FEN1: variants seen among roughly 807,000 people sequenced by gnomAD.
FEN1 encodes the protein flap structure-specific endonuclease 1, also known as flap endonuclease 1.
FEN1 carries 19 observed loss-of-function variants against 24.7 expected under a neutral mutation model. The ratio of observed to expected loss-of-function variants is 0.77; its 90% CI spans 0.54 to 1.13. The LOEUF (loss-of-function observed/expected upper bound fraction) is 1.13. FEN1 is among the 50% of genes most tolerant of loss of function. FEN1 has a pLI of 0.00. For missense variants in FEN1, 339 were observed against 488.7 expected, an observed-to-expected ratio of 0.69 and a Z score of 2.89; for synonymous variants, 155 against 189.2, an observed-to-expected ratio of 0.82 and a Z score of 1.48.
In FEN1 at chr11:61,795,778, T is replaced by C. The variant is rs765890483; in HGVS notation, c.417T>C (p.Asp139=). The C allele has an allele frequency of 2.5e-6, 4 of 1,613,908 alleles. No individual in the cohort carries two copies. The African/African-American group carries it at 4.0e-5, about 16-fold the overall frequency. Residue 139 remains aspartate (D), a synonymous_variant, in exon 2 of 2, where the codon GAT becomes GAC. Transcript: ENST00000305885. The surrounding 1 kb of genome is among the most constrained non-coding windows in gnomAD (Gnocchi z 4.1). ...TGAAGGTCACTAAGCAGCACAATGA[T>C]GAGTGCAAACATCTGCTGAGCCTCA... ...RLVKVTKQHN[D]ECKHLLSLMG...
Position 61,795,892 on chromosome 11 carries a change from C to G in FEN1, c.531C>G (p.Thr177=). The G allele has an allele frequency of 6.2e-7, 1 of 1,613,980 alleles. No individual in the cohort carries two copies. The highest frequency in any genetic ancestry group is 1.1e-5 in the South Asian group (1 of 91,084). Reference sequence around the variant, plus strand: ...CTGGCAAAGTCTATGCTGCGGCTACCGAGGACATGGACTGCCTCACCTTCG... The same window carrying G: ...CTGGCAAAGTCTATGCTGCGGCTACGGAGGACATGGACTGCCTCACCTTCG... The part of the protein sequence containing the change: ...VKAGKVYAAA[T]EDMDCLTFGS... Residue 177 remains threonine, a synonymous_variant, in exon 2 of 2, where the codon ACC becomes ACG. Transcript: ENST00000305885. The surrounding 1 kb of genome is among the most constrained non-coding windows in gnomAD (Gnocchi z 4.1).
Position 61,795,323 on chromosome 11 carries a change from C to G in FEN1, c.-21-18C>G. The G allele has an allele frequency of 6.5e-7, 1 of 1,549,852 alleles. No individual in the cohort carries two copies. Among genetic ancestry groups the G allele is most frequent in the Non-Finnish European group, 8.7e-7 (1 of 1,145,602 alleles). On this transcript the variant is annotated intron_variant, in intron 1 of 1. Coordinates refer to ENST00000305885, the MANE Select transcript of FEN1 (RefSeq NM_004111.6). This position sits in a 1 kb window ranked among gnomAD's most constrained non-coding sequence, Gnocchi z 4.1. Reference sequence around the variant, plus strand: ...CCTTTCTCCTTTCCTCCGTCTCTGACTTGCCTTTCTTTTTTAGTCATCCCT... The same window carrying G: ...CCTTTCTCCTTTCCTCCGTCTCTGAGTTGCCTTTCTTTTTTAGTCATCCCT...
At position 61,796,368 on chromosome 11, in the gene FEN1, C is replaced by A; in HGVS notation, c.1007C>A (p.Thr336Asn). 8 of 1,613,674 alleles carry A rather than the reference C, an allele frequency of 5.0e-6. No individual in the cohort carries two copies. Among genetic ancestry groups the A allele is most frequent in the Non-Finnish European group, 5.9e-6 (7 of 1,180,038 alleles). Residue 336 changes from threonine to asparagine, a missense_variant, in exon 2 of 2, where the codon ACC becomes AAC. This residue lies in a region of FEN1 where 53 missense variants were observed against 94.1 expected (regional missense o/e 0.56). Transcript: ENST00000305885. ...KRLSKSRQGS[T>N]QGRLDDFFKV... ...CTGAGTAAGAGCCGCCAAGGCAGCA[C>A]CCAGGGCCGCCTGGATGATTTCTTC...
In FEN1 at chr11:61,795,997, T is replaced by C; in HGVS notation, c.636T>C (p.Ile212=). 1 of 1,614,168 alleles carries C rather than the reference T, an allele frequency of 6.2e-7. No homozygotes were observed. ...TCCAGGAATTCCACCTGAGCCGGAT[T>C]CTGCAGGAGCTGGGCCTGAACCAGG... ...LPIQEFHLSR[I]LQELGLNQEQ... Residue 212 remains isoleucine, a synonymous_variant, in exon 2 of 2, where the codon ATT becomes ATC. Transcript: ENST00000305885. This position sits in a 1 kb window ranked among gnomAD's most constrained non-coding sequence, Gnocchi z 4.1.
Position 61,795,411 on chromosome 11 carries a change from C to T in FEN1, c.50C>T (p.Ala17Val). The stretch of plus-strand genomic sequence containing the variant: ...CTAATTGCTGATGTGGCCCCCAGTG[C>T]CATCCGGGAGAATGACATCAAGAGC... Reference protein sequence around the residue: ...AKLIADVAPSAIRENDIKSYF... With the variant: ...AKLIADVAPSVIRENDIKSYF... The change falls in exon 2 of 2, where the codon GCC (alanine) becomes GTC (valine). Residue 17 changes from alanine to valine, a missense_variant. Coordinates refer to ENST00000305885, the MANE Select transcript of FEN1 (RefSeq NM_004111.6). This position sits in a 1 kb window ranked among gnomAD's most constrained non-coding sequence, Gnocchi z 4.1. The T allele has an allele frequency of 6.2e-7, 1 of 1,613,116 alleles. No individual in the cohort carries two copies. Among genetic ancestry groups the T allele is most frequent in the Admixed American group, 1.7e-5 (1 of 59,960 alleles).
chr11:61,795,341 T>G lies in FEN1; in HGVS notation c.-21T>G. On this transcript the variant is annotated splice_region_variant and 5_prime_UTR_variant, in exon 2 of 2. Transcript: ENST00000305885. This position sits in a 1 kb window ranked among gnomAD's most constrained non-coding sequence, Gnocchi z 4.1. ...TCTCTGACTTGCCTTTCTTTTTTAG[T>G]CATCCCTCCTCTGTGTTGCCATGGG... is the stretch of plus-strand genomic sequence containing the variant. 1 of 1,561,844 alleles carries G rather than the reference T, an allele frequency of 6.4e-7. No individual in the cohort carries two copies. Among genetic ancestry groups the G allele is most frequent in the Non-Finnish European group, 8.7e-7 (1 of 1,151,282 alleles).
Position 61,795,845 on chromosome 11 carries a change from A to G in FEN1, c.484A>G (p.Ser162Gly). 6.2e-7 allele frequency: 1 copy of G among 1,614,062 alleles called. No homozygotes were observed. The highest frequency in any genetic ancestry group is 8.5e-7 in the Non-Finnish European group (1 of 1,180,036). ...YLDAPSEAEA[S>G]CAALVKAGKV... Reference sequence around the variant, plus strand: ...TGATGCACCCAGTGAGGCAGAGGCCAGCTGTGCTGCCCTGGTGAAGGCTGG... The same window carrying G: ...TGATGCACCCAGTGAGGCAGAGGCCGGCTGTGCTGCCCTGGTGAAGGCTGG... The change falls in exon 2 of 2, where the codon AGC becomes GGC. Residue 162 changes from serine to glycine, a missense_variant. Transcript: ENST00000305885. The surrounding 1 kb of genome is among the most constrained non-coding windows in gnomAD (Gnocchi z 4.1).
At chr11:61,794,049 C>CTCCT (rs1042918200) in intron 1 of FEN1, among the ~76,000 whole-genome samples, 2 of 152,218 alleles carry the variant, frequency 1.3e-5, no homozygotes, top group African/African-American at 2.4e-5. Context: ...TAGCCTGGAA[C>CTCCT]TCCTGGGCTC....
intron 1 of FEN1, among the ~76,000 whole-genome samples, chr11:61,794,894 AG>A (rs2066810901): frequency 6.6e-6 from 1 of 152,314 alleles, no homozygotes; most frequent in Non-Finnish European, 1.5e-5. Flanking sequence ...CTGCCTTATT[AG>A]TCAGGGTTCT....
chr11:61,796,670 A>G lies in FEN1; in HGVS notation c.*166A>G, dbSNP rs1190512028. 1.3e-6 allele frequency: 1 copy of G among 755,548 alleles called. No individual in the cohort carries two copies. The highest frequency in any genetic ancestry group is 1.8e-5 in the African/African-American group (1 of 56,404). 46.8% of individuals were successfully genotyped at this position (755,548 alleles called of 1,614,324 possible). On this transcript the variant is annotated 3_prime_UTR_variant, in exon 2 of 2. Transcript: ENST00000305885. ...CCCTTTTTTACTTGATCTTAATGGC[A>G]AGAAGGCCACAGAGGTACTTTTCCT... is the stretch of plus-strand genomic sequence containing the variant.
At chr11:61,793,698 G>T (rs1480548784) in intron 1 of FEN1, among the ~76,000 whole-genome samples, 1 of 152,208 alleles carries the variant, frequency 6.6e-6, no homozygotes, top group Non-Finnish European at 1.5e-5. Flanking sequence ...GGAAGGACGC[G>T]TGAGAGGATG....
chr11:61,795,890 A>G lies in FEN1; in HGVS notation c.529A>G (p.Thr177Ala), dbSNP rs1565315707. The change falls in exon 2 of 2, where the codon ACC becomes GCC. Residue 177 changes from threonine to alanine, a missense_variant. Thr to Ala is a moderately conservative substitution (Grantham distance 58). Around this residue, in one of 3 missense-constraint regions of FEN1, gnomAD observed 216 missense variants for 329.7 expected, o/e 0.66. Coordinates refer to ENST00000305885, the MANE Select transcript of FEN1 (RefSeq NM_004111.6). This position sits in a 1 kb window ranked among gnomAD's most constrained non-coding sequence, Gnocchi z 4.1. ...VKAGKVYAAATEDMDCLTFGS... is the reference protein window; with the variant it reads ...VKAGKVYAAAAEDMDCLTFGS... ...GGCTGGCAAAGTCTATGCTGCGGCT[A>G]CCGAGGACATGGACTGCCTCACCTT... The G allele has an allele frequency of 3.7e-6, 6 of 1,614,010 alleles. No individual in the cohort carries two copies. The highest frequency in any genetic ancestry group is 1.7e-4 in the Middle Eastern group (1 of 6,060).
Position 61,795,941 on chromosome 11 carries a change from C to T in FEN1, c.580C>T (p.Leu194=), listed in dbSNP as rs758331096. The T allele has an allele frequency of 6.2e-6, 10 of 1,614,128 alleles. No individual in the cohort carries two copies. Among genetic ancestry groups the T allele is most frequent in the Non-Finnish European group, 8.5e-6 (10 of 1,180,042 alleles). The part of the protein sequence containing the change: ...TFGSPVLMRH[L]TASEAKKLPI... ...CGGCAGCCCTGTGCTAATGCGACAC[C>T]TGACTGCCAGTGAAGCCAAAAAGCT... is the stretch of plus-strand genomic sequence containing the variant. Residue 194 remains leucine (L), a synonymous_variant, in exon 2 of 2, where the codon CTG becomes TTG. Transcript: ENST00000305885. This position sits in a 1 kb window ranked among gnomAD's most constrained non-coding sequence, Gnocchi z 4.1.
Position 61,796,101 on chromosome 11 carries a change from T to C in FEN1, c.740T>C (p.Val247Ala). 6.2e-7 allele frequency: 1 copy of C among 1,614,220 alleles called. No homozygotes were observed. Among genetic ancestry groups the C allele is most frequent in the Non-Finnish European group, 8.5e-7 (1 of 1,180,040 alleles). Residue 247 changes from valine to alanine, a missense_variant, in exon 2 of 2, where the codon GTG becomes GCG. This residue lies in a region of FEN1 where 216 missense variants were observed against 329.7 expected (regional missense o/e 0.66). Coordinates refer to ENST00000305885, the MANE Select transcript of FEN1 (RefSeq NM_004111.6). Reference sequence around the variant, plus strand: ...CGGGGTATTGGGCCCAAGCGGGCTGTGGACCTCATCCAGAAGCACAAGAGC... The same window carrying C: ...CGGGGTATTGGGCCCAAGCGGGCTGCGGACCTCATCCAGAAGCACAAGAGC... ...SIRGIGPKRA[V>A]DLIQKHKSIE...
At position 61,795,271 on chromosome 11, in the gene FEN1, A is replaced by G; in HGVS notation, c.-21-70A>G. The G allele has an allele frequency of 7.6e-7, 1 of 1,323,158 alleles. No individual in the cohort carries two copies. Among genetic ancestry groups the G allele is most frequent in the Non-Finnish European group, 1.0e-6 (1 of 967,808 alleles). 82.0% of individuals were successfully genotyped at this position (1,323,158 alleles called of 1,614,324 possible). A position where few individuals can be genotyped will look rare whatever the true frequency, so the allele number is the denominator to read the frequency against. ...TGTGTGGAATTTAGTTGAAGGCATG[A>G]AGTTGGTGAGATAACACCAGTTATA... On this transcript the variant is annotated intron_variant, in intron 1 of 1. Coordinates refer to ENST00000305885, the MANE Select transcript of FEN1 (RefSeq NM_004111.6). The surrounding 1 kb of genome is among the most constrained non-coding windows in gnomAD (Gnocchi z 4.1).
At chr11:61,793,279 C>T (rs1489327997) in intron 1 of FEN1, 1 of 152,634 alleles carries the variant, frequency 6.6e-6, no homozygotes, top group Non-Finnish European at 1.5e-5. Context: ...ACATTTCTGA[C>T]ACTTGAGTTG....
In FEN1 at chr11:61,796,572, C is replaced by T; in HGVS notation, c.*68C>T. On this transcript the variant is annotated 3_prime_UTR_variant, in exon 2 of 2. Transcript: ENST00000305885. The stretch of plus-strand genomic sequence containing the variant: ...CGTCTTGTACCCTTAAGAGCTACAG[C>T]TAGAGAAACCTTCACGGGGTGGAGA... The T allele has an allele frequency of 6.9e-7, 1 of 1,449,958 alleles. No individual in the cohort carries two copies. The highest frequency in any genetic ancestry group is 9.2e-7 in the Non-Finnish European group (1 of 1,090,852). The allele number at this position is 1,449,958 out of a possible 1,614,324, so 89.8% of individuals were successfully genotyped here.
At chr11:61,794,564 G>A (rs1440012935) in intron 1 of FEN1, among the ~76,000 whole-genome samples, 1 of 152,072 alleles carries the variant, frequency 6.6e-6, no homozygotes, top group Non-Finnish European at 1.5e-5. Context: ...GGTTTTAGTT[G>A]GAAGTAGCAA....
At position 61,796,512 on chromosome 11, in the gene FEN1, TC is replaced by T. The variant is rs2135929904; in HGVS notation, c.*12del. 6.3e-7 allele frequency: 1 copy of T among 1,595,738 alleles called. No individual in the cohort carries two copies. The highest frequency in any genetic ancestry group is 2.2e-5 in the East Asian group (1 of 44,520). On this transcript the variant is annotated 3_prime_UTR_variant, in exon 2 of 2. Coordinates refer to ENST00000305885, the MANE Select transcript of FEN1 (RefSeq NM_004111.6). ...TTTAAAAGGGGAAAATAAATGTGTT[TC>T]CCCATTATACCTCCTTCACCCCAGA...
Sources: allele counts gnomAD v4.1 joint callset (sites outside exome capture counted in the v4.1 genomes callset), GRCh38; gene constraint gnomAD v4.1.1; regional missense constraint gnomAD v4.1.1; non-coding constraint Gnocchi (gnomAD v3.1); transcripts MANE v1.5; gene names NCBI Gene and HGNC (gene_info 2026-07-23, HGNC 2026-07-21).